The following ADGRV1 variants were observed in gnomAD, a reference collection of about 807,000 sequenced individuals.
The protein encoded by ADGRV1 is adhesion G protein-coupled receptor V1, also known as G-protein coupled receptor 98.
In ADGRV1, 359 loss-of-function variants were observed where a neutral mutation model predicts 596.2. The observed-to-expected ratio is 0.60, with a 90% CI of 0.55 to 0.66. The LOEUF is 0.66. Ranked by LOEUF, ADGRV1 falls within the 30% of genes least tolerant of loss-of-function variation. The pLI is 0.00. For synonymous variants in ADGRV1, 2,681 were observed against 2,679.2 expected (o/e 1.00, Z -0.02); for missense variants, 7,274 against 7,575.6 (o/e 0.96, Z 1.48).
intron 9 of ADGRV1, among the ~76,000 whole-genome samples, chr5:90,632,146 G>C (rs1325974766): frequency 6.6e-6 from 1 of 152,028 alleles, no homozygotes; most frequent in Non-Finnish European, 1.5e-5. Flanking sequence ...CTTTTTTTGG[G>C]ATTTTTTTGG....
chr5:90,739,646 G>A (rs905979542), intron 50 of ADGRV1, among the ~76,000 whole-genome samples: 5 of 152,324 alleles, frequency 3.3e-5, no homozygotes, highest in Non-Finnish European at 5.9e-5. Context: ...TTGCCTGGGC[G>A]TAGTAATTGC....
At chr5:90,715,655 C>CTT (rs33954808) in intron 42 of ADGRV1, among the ~76,000 whole-genome samples, 5 of 148,466 alleles carry the variant, frequency 3.4e-5, no homozygotes, top group Non-Finnish European at 6.0e-5. Flanking sequence ...GTCTACTTTT[C>CTT]TTTTTTTTTT....
In ADGRV1 at chr5:90,985,430, A is replaced by G. The variant is rs1300190152; in HGVS notation, c.18060A>G (p.Leu6020=). ...TGTTTTTCCTTCTGAGTTGGGGACT[A>G]CCAGCTTTTGTGGTGATTCTCCTCA... The part of the protein sequence containing the change: ...YLLFFLLSWG[L]PAFVVILLIV... The change falls in exon 85 of 90, where the codon CTA becomes CTG. Residue 6020 remains leucine, a synonymous_variant. Transcript: ENST00000405460. 3 of 1,613,744 alleles carry G rather than the reference A, an allele frequency of 1.9e-6. No individual in the cohort carries two copies. Among genetic ancestry groups the G allele is most frequent in the South Asian group, 2.2e-5 (2 of 91,058 alleles).
At chr5:90,721,960 A>G (rs1432393915) in intron 45 of ADGRV1, among the ~76,000 whole-genome samples, 1 of 152,226 alleles carries the variant, frequency 6.6e-6, no homozygotes. Context: ...GAGCTTGGAT[A>G]GCTGGACAAG....
chr5:90,989,587 T>G (rs973716520), intron 85 of ADGRV1, among the ~76,000 whole-genome samples: 1 of 152,156 alleles, frequency 6.6e-6, no homozygotes, highest in African/African-American at 2.4e-5. Flanking sequence ...ATCTATAATT[T>G]CTTCATTTTA....
intron 5 of ADGRV1, 104 bp downstream of exon 5, chr5:90,622,805 A>T (rs13162720): frequency 1.6e-5 from 6 of 381,362 alleles, no homozygotes; most frequent in African/African-American, 2.1e-5. Flanking sequence ...CAGTGGTGCG[A>T]TCTCAGCTCA....
chr5:90,781,205 G>A, intron 64 of ADGRV1: 4 of 521,630 alleles, frequency 7.7e-6, no homozygotes, highest in South Asian at 6.3e-5. Context: ...TATTAGTTTT[G>A]GCTTCGTACA....
chr5:90,855,078 A>G (rs1766896529), intron 81 of ADGRV1, among the ~76,000 whole-genome samples: 1 of 152,208 alleles, frequency 6.6e-6, no homozygotes, highest in Non-Finnish European at 1.5e-5. Context: ...TTAAAAAAGT[A>G]AAGAAATTAA....
intron 75 of ADGRV1, 121 bp downstream of exon 75, chr5:90,815,857 C>A: frequency 1.6e-6 from 1 of 616,120 alleles, no homozygotes; most frequent in Non-Finnish European, 2.9e-6. Flanking sequence ...GAATTTGGCA[C>A]GTCTTCAGAT....
At chr5:90,977,099 G>T (rs1779679059) in intron 84 of ADGRV1, among the ~76,000 whole-genome samples, 1 of 152,136 alleles carries the variant, frequency 6.6e-6, no homozygotes, top group Non-Finnish European at 1.5e-5. Flanking sequence ...AATTAGCCTT[G>T]TTTCTCGTTC....
chr5:90,942,300 G>T (rs574916923), intron 83 of ADGRV1, among the ~76,000 whole-genome samples: 4 of 152,306 alleles, frequency 2.6e-5, no homozygotes, highest in African/African-American at 9.6e-5. Context: ...CTCTTAAGAG[G>T]CAGACACAAT....
chr5:90,567,952 G>A (rs1406742894), intron 1 of ADGRV1, among the ~76,000 whole-genome samples: 1 of 151,848 alleles, frequency 6.6e-6, no homozygotes, highest in Non-Finnish European at 1.5e-5. Context: ...TTGGCCAGCT[G>A]GTCTCAAACT....
rs981191086 is a variant in ADGRV1 at position 90,622,656 on chromosome 5, C to T, written c.513C>T (p.Leu171=). 1 of 1,556,448 alleles carries T rather than the reference C, an allele frequency of 6.4e-7. No individual in the cohort carries two copies. Among genetic ancestry groups the T allele is most frequent in the Admixed American group, 1.8e-5 (1 of 55,754 alleles). Residue 171 remains leucine (L), a synonymous_variant, in exon 5 of 90, where the codon CTC becomes CTT. Transcript: ENST00000405460. ...KGRNESMPLT[L]IREKGTYGMV... ...GAAATGAGTCTATGCCTCTTACTCT[C>T]ATCAGGGAAAAGGGAACCTATGGAA...
chr5:90,997,974 G>T (rs1285677362), intron 85 of ADGRV1, among the ~76,000 whole-genome samples: 1 of 152,194 alleles, frequency 6.6e-6, no homozygotes, highest in Non-Finnish European at 1.5e-5. Flanking sequence ...ATATGAAGTA[G>T]TAATTACATG....
intron 73 of ADGRV1, 69 bp downstream of exon 73, chr5:90,807,806 G>A: frequency 2.2e-6 from 3 of 1,349,786 alleles, no homozygotes; most frequent in Admixed American, 2.2e-5. Flanking sequence ...CATCAAAACA[G>A]AAAAAGGCAC....
chr5:90,595,711 G>T (rs1318481690), intron 1 of ADGRV1, among the ~76,000 whole-genome samples: 4 of 124,028 alleles, frequency 3.2e-5, no homozygotes, highest in African/African-American at 9.8e-5. Context: ...AGGCAGAGGG[G>T]CTCCTCACTT....
At chr5:91,036,007 A>C (rs972585522) in intron 85 of ADGRV1, among the ~76,000 whole-genome samples, 20 of 151,356 alleles carry the variant, frequency 1.3e-4, no homozygotes, top group South Asian at 4.2e-4. Flanking sequence ...TGAGGGTTTT[A>C]GATTAAGTAT....
intron 50 of ADGRV1, among the ~76,000 whole-genome samples, chr5:90,736,629 C>G (rs1370567332): frequency 1.3e-5 from 2 of 151,914 alleles, no homozygotes; most frequent in Non-Finnish European, 2.9e-5. Flanking sequence ...CGTTTTATGA[C>G]TGATTTAATT....
intron 68 of ADGRV1, among the ~76,000 whole-genome samples, chr5:90,789,008 G>A (rs893015155): frequency 6.6e-6 from 1 of 152,098 alleles, no homozygotes; most frequent in Non-Finnish European, 1.5e-5. Flanking sequence ...AGGAAACTCA[G>A]GAAAGAGTTG....
Sources: gnomAD v4.1 joint callset for allele counts (sites outside exome capture counted in the v4.1 genomes callset) on GRCh38, gnomAD v4.1.1 for gene constraint, MANE v1.5 for transcripts, NCBI Gene and HGNC (gene_info 2026-07-23, HGNC 2026-07-21) for gene names.